Variants in GAL observed in about 807,000 individuals in gnomAD.
The protein encoded by GAL is galanin peptides.
GAL carries 14 observed loss-of-function variants against 15.8 expected under a neutral mutation model. The observed-to-expected ratio is 0.89, with a 90% CI of 0.59 to 1.39. GAL has a LOEUF of 1.39. GAL is among the 40% of genes most tolerant of loss of function. The pLI, the probability that GAL is intolerant of heterozygous loss-of-function variation, is 0.00. For synonymous variants in GAL, 79 were observed against 73.8 expected, an observed-to-expected ratio of 1.07 and a Z score of -0.36; for missense variants, 176 against 170.4, an observed-to-expected ratio of 1.03 and a Z score of -0.18.
At chr11:68,688,172 C>A in intron 4 of GAL, 72 bp downstream of exon 4, 1 of 945,850 alleles carries the variant, frequency 1.1e-6, no homozygotes, top group Non-Finnish European at 1.7e-6. Context: ...CAGGGGACAG[C>A]TGTGGGTGTC....
intron 5 of GAL, among the ~76,000 whole-genome samples, chr11:68,689,679 G>A (rs1250760680): frequency 6.6e-6 from 1 of 152,204 alleles, no homozygotes; most frequent in Non-Finnish European, 1.5e-5. Context: ...TTACAGGCGT[G>A]AGCCACTGTG....
chr11:68,689,023 T>C (rs537523183), intron 5 of GAL, 97 bp downstream of exon 5: 2 of 693,366 alleles, frequency 2.9e-6, no homozygotes, highest in South Asian at 1.5e-5. Flanking sequence ...CCCTGGGAAG[T>C]AGCCGATTAC....
intron 3 of GAL, 107 bp downstream of exon 3, chr11:68,685,755 C>T (rs1945846771): frequency 1.3e-6 from 1 of 749,346 alleles, no homozygotes; most frequent in Admixed American, 2.0e-5. Flanking sequence ...CTCTGGCCTC[C>T]CTCTTGACCT....
At chr11:68,684,803 G>T in intron 1 of GAL, 71 bp downstream of exon 1, 1 of 617,268 alleles carries the variant, frequency 1.6e-6, no homozygotes, top group South Asian at 1.9e-5. Context: ...GCCCAGGGAC[G>T]GTTCTGCCAG....
At position 68,690,767 on chromosome 11, in the gene GAL, CAG is replaced by C. The variant is rs1041447640; in HGVS notation, c.302-147_302-146del. The C allele has an allele frequency of 7.8e-6, 5 of 643,484 alleles. No homozygotes were observed. In the African/African-American group the frequency reaches 9.0e-5, roughly 12 times the overall value. 39.9% of individuals were successfully genotyped at this position (643,484 alleles called of 1,614,324 possible). A position where few individuals can be genotyped will look rare whatever the true frequency, so the allele number is the denominator to read the frequency against. On this transcript the variant is annotated intron_variant, in intron 5 of 5. Coordinates refer to ENST00000265643, the MANE Select transcript of GAL (RefSeq NM_015973.5). ...TTAAATCATTACGAAGTGAGGAATA[CAG>C]AGTGTTGTCCCTGATTCTGGGTTTA...
chr11:68,690,555 G>T (rs1027099497), intron 5 of GAL, among the ~76,000 whole-genome samples: 2 of 152,104 alleles, frequency 1.3e-5, no homozygotes, highest in African/African-American at 4.8e-5. Flanking sequence ...AGAAAAGCTG[G>T]GGTGACTTTT....
intron 3 of GAL, among the ~76,000 whole-genome samples, chr11:68,687,008 G>A (rs2153989814): frequency 6.6e-6 from 1 of 152,278 alleles, no homozygotes; most frequent in South Asian, 2.1e-4. Flanking sequence ...TTAAAAATGT[G>A]CCTTTGATTT....
rs573211013 is a variant in GAL, at chr11:68,691,147, T to G, written c.*160T>G. 16 of 585,482 alleles carry G rather than the reference T, an allele frequency of 2.7e-5. No homozygotes were observed. The highest frequency in any genetic ancestry group is 2.0e-4 in the African/African-American group (11 of 53,908). The allele number at this position is 585,482 out of a possible 1,614,324, so 36.3% of individuals were successfully genotyped here. A position where few individuals can be genotyped will look rare whatever the true frequency, so the allele number is the denominator to read the frequency against. ...AGATTTTTTTTTTTTGGTAATTATT[T>G]TGAGTGGCAAAATAAAGAATAGCAA... On this transcript the variant is annotated 3_prime_UTR_variant, in exon 6 of 6. Coordinates refer to ENST00000265643, the MANE Select transcript of GAL (RefSeq NM_015973.5).
At chr11:68,689,362 TCTTC>T (rs1594275825) in intron 5 of GAL, among the ~76,000 whole-genome samples, 3 of 152,118 alleles carry the variant, frequency 2.0e-5, no homozygotes, top group East Asian at 1.9e-4. Flanking sequence ...TTCTTCTTTC[TCTTC>T]CTTCCTTCCT....
chr11:68,685,701 T>C (rs1945846112), intron 3 of GAL, 53 bp downstream of exon 3: 4 of 1,337,750 alleles, frequency 3.0e-6, no homozygotes, highest in Middle Eastern at 1.8e-4. Context: ...TGCCCCTCGC[T>C]TTGAACCCTG....
rs147742577 is a variant in GAL, at chr11:68,690,954, C to T, written c.339C>T (p.Ala113=). ...GALDRLLDLP[A]AASSEDIERS is the part of the protein sequence containing the mutation. ...TCGACCGCCTCCTGGATCTCCCCGC[C>T]GCAGCCTCCTCAGAAGACATCGAGC... Residue 113 remains alanine (A), a synonymous_variant, in exon 6 of 6, where the codon GCC becomes GCT. Transcript: ENST00000265643. 1.1e-4 allele frequency: 183 copies of T among 1,613,334 alleles called. No homozygotes were observed. The highest frequency in any genetic ancestry group is 1.4e-4 in the Non-Finnish European group (164 of 1,179,518).
At chr11:68,686,424 A>G (rs1180979216) in intron 3 of GAL, among the ~76,000 whole-genome samples, 1 of 152,168 alleles carries the variant, frequency 6.6e-6, no homozygotes, top group Non-Finnish European at 1.5e-5. Context: ...CTTCTGCCAG[A>G]GGAAGGATGT....
At chr11:68,690,848 G>A in intron 5 of GAL, 69 bp from the exon 6 acceptor site, 1 of 989,054 alleles carries the variant, frequency 1.0e-6, no homozygotes, top group Non-Finnish European at 1.6e-6. Flanking sequence ...TGTAGCATGT[G>A]TCGTGGTTGT....
intron 4 of GAL, among the ~76,000 whole-genome samples, chr11:68,688,375 TC>T (rs1276825183): frequency 6.6e-6 from 1 of 152,178 alleles, no homozygotes; most frequent in Non-Finnish European, 1.5e-5. Flanking sequence ...CTGCCTGTAA[TC>T]CCAGCACTCT....
At chr11:68,688,997 A>G in intron 5 of GAL, 71 bp downstream of exon 5, 1 of 762,576 alleles carries the variant, frequency 1.3e-6, no homozygotes, top group Non-Finnish European at 2.3e-6. Flanking sequence ...CATCGAGAAG[A>G]GAACCCATAG....
intron 3 of GAL, among the ~76,000 whole-genome samples, chr11:68,687,562 T>C (rs1945865369): frequency 6.6e-6 from 1 of 151,686 alleles, no homozygotes; most frequent in African/African-American, 2.4e-5. Context: ...AGAGTGAAAA[T>C]AAAAATCAGA....
At chr11:68,690,404 T>C (rs1256633314) in intron 5 of GAL, among the ~76,000 whole-genome samples, 1 of 150,392 alleles carries the variant, frequency 6.6e-6, no homozygotes, top group African/African-American at 2.5e-5. Flanking sequence ...TAGGTGGCGA[T>C]GGGGAGAGGG....
intron 3 of GAL, 90 bp downstream of exon 3, chr11:68,685,738 G>A: frequency 1.2e-6 from 1 of 864,986 alleles, no homozygotes; most frequent in Admixed American, 1.9e-5. Flanking sequence ...CTGCGGCTGG[G>A]CAGACCCTCT....
In GAL at chr11:68,690,950, C is replaced by A; in HGVS notation, c.335C>A (p.Pro112His). 1 of 1,613,400 alleles carries A rather than the reference C, an allele frequency of 6.2e-7. No homozygotes were observed. The highest frequency in any genetic ancestry group is 8.5e-7 in the Non-Finnish European group (1 of 1,179,574). The change falls in exon 6 of 6, where the codon CCC becomes CAC. Residue 112 changes from proline (P) to histidine (H), a missense_variant. By Grantham distance (77) the Pro-to-His change is moderately conservative. Transcript: ENST00000265643. ...GCCCTCGACCGCCTCCTGGATCTCC[C>A]CGCCGCAGCCTCCTCAGAAGACATC... Reference protein sequence around the residue: ...AGALDRLLDLPAAASSEDIER... With the variant: ...AGALDRLLDLHAAASSEDIER...
Sources: allele counts gnomAD v4.1 joint callset (sites outside exome capture counted in the v4.1 genomes callset), GRCh38; gene constraint gnomAD v4.1.1; transcripts MANE v1.5; gene names NCBI Gene and HGNC (gene_info 2026-07-23, HGNC 2026-07-21).